The following SRGAP2C variants were observed in gnomAD, a reference collection of about 807,000 sequenced individuals.
The protein encoded by SRGAP2C is SLIT-ROBO Rho GTPase-activating protein 2C.
SRGAP2C carries 15 observed loss-of-function variants against 25.1 expected under a neutral mutation model. That is an observed-to-expected ratio of 0.60 (90% CI 0.40 to 0.92). The LOEUF (loss-of-function observed/expected upper bound fraction) is 0.92, where lower values mean the gene tolerates loss of function less well. Among genes scored for constraint, SRGAP2C ranks in the 40% least tolerant of loss-of-function variants. SRGAP2C has a pLI of 0.00. For missense variants in SRGAP2C, 144 were observed against 264.4 expected (o/e 0.54, Z 3.16); for synonymous variants, 44 against 96.6 (o/e 0.46, Z 3.19).
chr1:121,295,124 GA>G (rs1186006105), intron 3 of SRGAP2C, among the ~76,000 whole-genome samples: 1 of 100,424 alleles, frequency 1.0e-5, no homozygotes, highest in Non-Finnish European at 2.1e-5. Context: ...GATACTCTAG[GA>G]AAAAGGGGCA....
intron 3 of SRGAP2C, among the ~76,000 whole-genome samples, chr1:121,294,906 T>C (rs1231438713): frequency 7.9e-6 from 1 of 125,984 alleles, no homozygotes; most frequent in African/African-American, 3.0e-5. Context: ...AAAGGAGTAG[T>C]TCTTTCCCAT....
intron 4 of SRGAP2C, among the ~76,000 whole-genome samples, chr1:121,345,712 C>G (rs1164419731): frequency 2.4e-4 from 31 of 127,380 alleles, no homozygotes; most frequent in Non-Finnish European, 4.1e-4. Context: ...GAGTGCAGTG[C>G]GCGATCTTGA....
At chr1:121,382,415 C>CTTCTCATG in intron 7 of SRGAP2C, among the ~76,000 whole-genome samples, 1 of 151,038 alleles carries the variant, frequency 6.6e-6, no homozygotes, top group South Asian at 2.1e-4. Context: ...ACTCTCAATT[C>CTTCTCATG]TTCTCATGTT....
At chr1:121,331,781 C>CA (rs1658439124) in intron 4 of SRGAP2C, among the ~76,000 whole-genome samples, 1 of 147,754 alleles carries the variant, frequency 6.8e-6, no homozygotes, top group Non-Finnish European at 1.5e-5. Context: ...TAAATGAGCT[C>CA]AAAAAACATT....
At chr1:121,307,322 G>C (rs1371527366) in intron 3 of SRGAP2C, among the ~76,000 whole-genome samples, 2 of 151,898 alleles carry the variant, frequency 1.3e-5, no homozygotes, top group African/African-American at 4.8e-5. Context: ...AGAAATGCTA[G>C]TTGGTGACCT....
In SRGAP2C at chr1:121,374,974, G is replaced by C. The variant is rs1321275897; in HGVS notation, c.831+20G>C. ...ATTGATGTAAGTGCTTAAAGCCAAGGGCCTGAGGGCCCCTCTTTTCTGGTT... is the reference window on the plus strand; with the variant it reads ...ATTGATGTAAGTGCTTAAAGCCAAGCGCCTGAGGGCCCCTCTTTTCTGGTT... On this transcript the variant is annotated intron_variant, in intron 7 of 9. Coordinates refer to ENST00000367123, the MANE Select transcript of SRGAP2C (RefSeq NM_001329984.2). 2.6e-6 allele frequency: 2 copies of C among 771,968 alleles called. No individual in the cohort carries two copies. The highest frequency in any genetic ancestry group is 2.7e-5 in the South Asian group (2 of 73,276). 47.8% of individuals were successfully genotyped at this position (771,968 alleles called of 1,614,324 possible). A position where few individuals can be genotyped will look rare whatever the true frequency, so the allele number is the denominator to read the frequency against.
chr1:121,304,897 G>A (rs1159499402), intron 3 of SRGAP2C, among the ~76,000 whole-genome samples: 58 of 151,948 alleles, frequency 3.8e-4, no homozygotes, highest in Middle Eastern at 3.4e-3. Flanking sequence ...CCGGAATGGG[G>A]TCTTGACATT....
intron 3 of SRGAP2C, among the ~76,000 whole-genome samples, chr1:121,289,186 C>A (rs1237586445): frequency 4.7e-5 from 7 of 149,808 alleles, no homozygotes; most frequent in African/African-American, 1.7e-4. Flanking sequence ...TCCGGCCGCA[C>A]AGGAGCCCAT....
At chr1:121,271,706 T>C (rs1445745377) in intron 2 of SRGAP2C, among the ~76,000 whole-genome samples, 6 of 91,318 alleles carry the variant, frequency 6.6e-5, no homozygotes, top group Non-Finnish European at 1.1e-4. Context: ...GGATAAATGT[T>C]GTTTCATGAC....
In SRGAP2C at chr1:121,289,293, C is replaced by T. The variant is rs1425889206; in HGVS notation, c.260+4298C>T. Among the ~76,000 whole-genome samples the T allele has an allele frequency of 2.1e-3, 301 of 144,084 alleles. 5 individuals are homozygous for T. Among genetic ancestry groups the T allele is most frequent in the Admixed American group, 3.9e-3 (56 of 14,542 alleles). 94.5% of individuals were successfully genotyped at this position (144,084 alleles called of 152,430 possible). A position where few individuals can be genotyped will look rare whatever the true frequency, so the allele number is the denominator to read the frequency against. ...CCCAGCGAGAAATCGAGCACAGCGC[C>T]GATGGTCCGGCACTGCTGGGGGACT... On this transcript the variant is annotated intron_variant, in intron 3 of 9. Coordinates refer to ENST00000367123, the MANE Select transcript of SRGAP2C (RefSeq NM_001329984.2).
intron 4 of SRGAP2C, chr1:121,361,401 T>C (rs1429075631): frequency 4.1e-5 from 6 of 145,656 alleles, no homozygotes; most frequent in Non-Finnish European, 7.5e-5. Flanking sequence ...AGGATCCTTA[T>C]GTTTCCGTAC....
At chr1:121,316,862 G>C (rs1327152650) in intron 3 of SRGAP2C, among the ~76,000 whole-genome samples, 1 of 147,186 alleles carries the variant, frequency 6.8e-6, no homozygotes, top group East Asian at 2.0e-4. Flanking sequence ...GGGTGGCATT[G>C]TAGCATGTAG....
At chr1:121,237,700 A>G (rs1473770482) in intron 2 of SRGAP2C, among the ~76,000 whole-genome samples, 1 of 151,556 alleles carries the variant, frequency 6.6e-6, no homozygotes, top group African/African-American at 2.4e-5. Context: ...CCCTCTTTTC[A>G]TTTCCCTTTG....
At chr1:121,238,762 C>T (rs1361619052) in intron 2 of SRGAP2C, among the ~76,000 whole-genome samples, 1 of 148,528 alleles carries the variant, frequency 6.7e-6, no homozygotes, top group Non-Finnish European at 1.5e-5. Flanking sequence ...TACAATTGTG[C>T]ACCACTACAC....
At chr1:121,263,305 C>A (rs1361172607) in intron 2 of SRGAP2C, among the ~76,000 whole-genome samples, 1 of 151,080 alleles carries the variant, frequency 6.6e-6, no homozygotes, top group East Asian at 2.0e-4. Context: ...GCCTGGGTGA[C>A]AAAGCAAGAC....
At chr1:121,299,432 C>T (rs1371498945) in intron 3 of SRGAP2C, among the ~76,000 whole-genome samples, 5 of 108,872 alleles carry the variant, frequency 4.6e-5, no homozygotes, top group Non-Finnish European at 9.1e-5. Flanking sequence ...CTGCTAGCTC[C>T]TCCTTTTATA....
intron 5 of SRGAP2C, among the ~76,000 whole-genome samples, chr1:121,368,030 T>C (rs55674423): frequency 2.1e-4 from 22 of 106,872 alleles, no homozygotes; most frequent in Middle Eastern, 5.6e-3. Context: ...GAGCCGAGAT[T>C]GTGCCACTGC....
intron 8 of SRGAP2C, among the ~76,000 whole-genome samples, chr1:121,385,687 G>A (rs1348086569): frequency 6.6e-6 from 1 of 152,130 alleles, no homozygotes; most frequent in African/African-American, 2.4e-5. Flanking sequence ...AAGGACGAAC[G>A]GTAACAAGGT....
chr1:121,326,945 A>G, intron 4 of SRGAP2C, among the ~76,000 whole-genome samples: 3 of 127,676 alleles, frequency 2.3e-5, no homozygotes, highest in East Asian at 2.6e-4. Context: ...GTTGCAGATC[A>G]TAGGAATTTC....
Sources: allele counts gnomAD v4.1 joint callset (sites outside exome capture counted in the v4.1 genomes callset), GRCh38; gene constraint gnomAD v4.1.1; transcripts MANE v1.5; gene names NCBI Gene and HGNC (gene_info 2026-07-23, HGNC 2026-07-21).